The following DENND2A variants were observed in gnomAD, a reference collection of about 807,000 sequenced individuals.
DENND2A encodes the protein DENN domain-containing protein 2A.
In DENND2A, 53 loss-of-function variants were observed where a neutral mutation model predicts 105.3. That is an observed-to-expected ratio of 0.50 (90% confidence interval 0.40 to 0.63). The LOEUF (loss-of-function observed/expected upper bound fraction) is 0.63. DENND2A is among the 30% of genes least tolerant of loss of function. The pLI is 0.00. For missense variants in DENND2A, 1,138 were observed against 1,279.6 expected, an observed-to-expected ratio of 0.89 and a Z score of 1.69; for synonymous variants, 522 against 508.4, an observed-to-expected ratio of 1.03 and a Z score of -0.36.
In DENND2A at chr7:140,523,803, C is replaced by A. The variant is rs1193856012; in HGVS notation, c.2548-379G>T. On this transcript the variant is annotated intron_variant, in intron 16 of 19. Coordinates refer to ENST00000496613, the MANE Select transcript of DENND2A (RefSeq NM_015689.5). The surrounding 1 kb of genome is among the most constrained non-coding windows in gnomAD (Gnocchi z 4.5). ...AGCCAGGCTGGTCTCGAACTCCTGA[C>A]CTCAGGTGATCCGCCCACCTTGGTC... 6.6e-6 allele frequency among the ~76,000 whole-genome samples: 1 copy of A among 152,172 alleles called. No individual in the cohort carries two copies. Among genetic ancestry groups the A allele is most frequent in the African/African-American group, 2.4e-5 (1 of 41,448 alleles).
In DENND2A at chr7:140,523,291, G is replaced by A. The variant is rs10273161; in HGVS notation, c.2665+16C>T. ...GTGGAAGGGAGAGACCCACTGGGAG[G>A]TGGCTGAACACTTACCGTGCCTGCC... On this transcript the variant is annotated intron_variant, in intron 17 of 19. Transcript: ENST00000496613. The surrounding 1 kb of genome is among the most constrained non-coding windows in gnomAD (Gnocchi z 4.5). 1.2e-3 allele frequency: 1,956 copies of A among 1,612,858 alleles called. 20 individuals carry two copies. In the African/African-American group the frequency reaches 0.021, roughly 17 times the overall value.
intron 9 of DENND2A, among the ~76,000 whole-genome samples, chr7:140,564,578 C>T (rs527570224): frequency 3.3e-5 from 5 of 152,190 alleles, no homozygotes; most frequent in South Asian, 2.1e-4. Context: ...TTAACAGTGA[C>T]GGTCTCTGTG....
chr7:140,524,990 A>G (rs1481875546), intron 16 of DENND2A, among the ~76,000 whole-genome samples: 1 of 148,254 alleles, frequency 6.7e-6, no homozygotes, highest in Non-Finnish European at 1.5e-5. Context: ...GGTTCACACT[A>G]TTCTCCTGCC....
At position 140,601,689 on chromosome 7, in the gene DENND2A, C is replaced by G; in HGVS notation, c.709G>C (p.Gly237Arg). ...CGGTCCCAGGGCCTTCTGCATGAAC[C>G]TTTCCTGTCCTCCACAAGCTCAGGG... ...PTPELVEDRK[G>R]SCRRPWDRSL... The change falls in exon 3 of 20, where the codon GGT becomes CGT. Residue 237 changes from glycine (G) to arginine (R), a missense_variant. Physicochemically the swap from Gly to Arg is moderately radical, Grantham distance 125. Around this residue, in one of 2 missense-constraint regions of DENND2A, gnomAD observed 511 missense variants for 499.9 expected, o/e 1.02. Transcript: ENST00000496613. 1 of 1,614,014 alleles carries G rather than the reference C, an allele frequency of 6.2e-7. No individual in the cohort carries two copies. The highest frequency in any genetic ancestry group is 8.5e-7 in the Non-Finnish European group (1 of 1,179,922).
At chr7:140,620,299 A>G (rs1459832837) in intron 1 of DENND2A, among the ~76,000 whole-genome samples, 2 of 145,172 alleles carry the variant, frequency 1.4e-5, no homozygotes, top group Non-Finnish European at 3.0e-5. Context: ...CAAAAGAAAC[A>G]GAATCCAAAA....
In DENND2A at chr7:140,518,446, A is replaced by AT. The variant is rs1795734479; in HGVS notation, c.*260dup. The AT allele has an allele frequency of 9.8e-6, 4 of 408,152 alleles. No individual in the cohort carries two copies. Among genetic ancestry groups the AT allele is most frequent in the Non-Finnish European group, 1.3e-5 (3 of 233,590 alleles). 25.3% of individuals were successfully genotyped at this position (408,152 alleles called of 1,614,324 possible). On this transcript the variant is annotated 3_prime_UTR_variant, in exon 20 of 20. Coordinates refer to ENST00000496613, the MANE Select transcript of DENND2A (RefSeq NM_015689.5). ...ATTTTTCTTACTTTTAATATCTAAG[A>AT]TAAAAAAAAAAACCCAACCACCAAA...
intron 9 of DENND2A, among the ~76,000 whole-genome samples, chr7:140,562,621 C>A (rs1004168317): frequency 6.6e-6 from 1 of 151,852 alleles, no homozygotes; most frequent in Non-Finnish European, 1.5e-5. Context: ...GAGATCATGC[C>A]GCAGCACTCC....
At chr7:140,591,727 T>C (rs1799037303) in intron 3 of DENND2A, among the ~76,000 whole-genome samples, 1 of 150,186 alleles carries the variant, frequency 6.7e-6, no homozygotes, top group Non-Finnish European at 1.5e-5. Context: ...CTCTTTCCTT[T>C]CCTTTCTCTC....
At chr7:140,626,041 A>C (rs1266936678) in intron 1 of DENND2A, among the ~76,000 whole-genome samples, 1 of 152,156 alleles carries the variant, frequency 6.6e-6, no homozygotes, top group African/African-American at 2.4e-5. Flanking sequence ...TGTGGACATT[A>C]AGGCCTGGAG....
intron 1 of DENND2A, among the ~76,000 whole-genome samples, chr7:140,619,650 C>T (rs1043856090): frequency 5.9e-5 from 9 of 152,042 alleles, no homozygotes; most frequent in African/African-American, 2.2e-4. Flanking sequence ...CAAGCGTGCA[C>T]CACCATGCCC....
At position 140,523,502 on chromosome 7, in the gene DENND2A, A is replaced by C; in HGVS notation, c.2548-78T>G. The C allele has an allele frequency of 2.4e-6, 3 of 1,254,132 alleles. No homozygotes were observed. Among genetic ancestry groups the C allele is most frequent in the Non-Finnish European group, 3.5e-6 (3 of 862,990 alleles). The allele number at this position is 1,254,132 out of a possible 1,614,324, so 77.7% of individuals were successfully genotyped here. A position where few individuals can be genotyped will look rare whatever the true frequency, so the allele number is the denominator to read the frequency against. Reference sequence around the variant, plus strand: ...CCATAGGACACACTGGAGCCACTGCAGGGCAGGCCTGGCTCAGTCTCCAGT... The same window carrying C: ...CCATAGGACACACTGGAGCCACTGCCGGGCAGGCCTGGCTCAGTCTCCAGT... On this transcript the variant is annotated intron_variant, in intron 16 of 19. Transcript: ENST00000496613. The surrounding 1 kb of genome is among the most constrained non-coding windows in gnomAD (Gnocchi z 4.5).
chr7:140,576,829 A>C (rs777168860), intron 5 of DENND2A, among the ~76,000 whole-genome samples: 3 of 152,204 alleles, frequency 2.0e-5, no homozygotes, highest in Non-Finnish European at 4.4e-5. Flanking sequence ...CTTTGAGGCC[A>C]AATTCCATCT....
chr7:140,624,362 A>G (rs1307104840), intron 1 of DENND2A, among the ~76,000 whole-genome samples: 1 of 120,770 alleles, frequency 8.3e-6, no homozygotes, highest in African/African-American at 3.3e-5. Context: ...AACAACAACA[A>G]CAACACAACA....
intron 3 of DENND2A, among the ~76,000 whole-genome samples, chr7:140,590,549 A>G (rs1372539498): frequency 1.3e-5 from 2 of 151,890 alleles, no homozygotes. Context: ...ATCCTTCTAT[A>G]TTTCCAAGAA....
chr7:140,545,499 C>T (rs1384618112), intron 13 of DENND2A, among the ~76,000 whole-genome samples: 5 of 152,042 alleles, frequency 3.3e-5, no homozygotes, highest in East Asian at 1.9e-4. Flanking sequence ...TACAGGTGCC[C>T]GCCACCATGC....
intron 14 of DENND2A, among the ~76,000 whole-genome samples, chr7:140,529,508 C>G (rs1430031921): frequency 6.6e-6 from 1 of 152,250 alleles, no homozygotes; most frequent in Middle Eastern, 3.4e-3. Context: ...ATGTTTATTG[C>G]ACCACTATTC....
At position 140,590,107 on chromosome 7, in the gene DENND2A, A is replaced by G. The variant is rs528465532; in HGVS notation, c.996-2327T>C. On this transcript the variant is annotated intron_variant, in intron 3 of 19. Coordinates refer to ENST00000496613, the MANE Select transcript of DENND2A (RefSeq NM_015689.5). ...CGCTTATTTAAAGCACATGTAATGC[A>G]GGCCGGGCGCGGTGGCTCATGTCTG... Among the ~76,000 whole-genome samples, 11 of 152,266 alleles carry G rather than the reference A, an allele frequency of 7.2e-5. No homozygotes were observed. In the South Asian group the frequency reaches 2.3e-3, roughly 32 times the overall value.
chr7:140,564,487 G>A (rs998980777), intron 9 of DENND2A, among the ~76,000 whole-genome samples: 1 of 152,054 alleles, frequency 6.6e-6, no homozygotes, highest in South Asian at 2.1e-4. Context: ...CACGCAGCAC[G>A]ATACAAAAAT....
In DENND2A at chr7:140,521,868, C is replaced by G; in HGVS notation, c.2898G>C (p.Arg966=). Residue 966 remains arginine, a synonymous_variant, in exon 18 of 20, where the codon CGG becomes CGC. Transcript: ENST00000496613. ...RGFIQERELR[R]QDAKGLFEVR... is the part of the protein sequence containing the mutation. Reference sequence around the variant, plus strand: ...GATGCCCCTCACCTTTGGCATCCTGCCGGCGCAGCTCCCGCTCCTGGATGA... The same window carrying G: ...GATGCCCCTCACCTTTGGCATCCTGGCGGCGCAGCTCCCGCTCCTGGATGA... The G allele has an allele frequency of 1.2e-6, 2 of 1,614,010 alleles. No individual in the cohort carries two copies. Among genetic ancestry groups the G allele is most frequent in the Non-Finnish European group, 1.7e-6 (2 of 1,180,004 alleles).
Sources: allele counts gnomAD v4.1 joint callset (sites outside exome capture counted in the v4.1 genomes callset), GRCh38; gene constraint gnomAD v4.1.1; regional missense constraint gnomAD v4.1.1; non-coding constraint Gnocchi (gnomAD v3.1); transcripts MANE v1.5; gene names NCBI Gene and HGNC (gene_info 2026-07-23, HGNC 2026-07-21).